Variants in FTO observed in about 807,000 individuals in gnomAD.
The protein encoded by FTO is FTO alpha-ketoglutarate dependent dioxygenase.
FTO carries 47 observed loss-of-function variants against 63.9 expected under a neutral mutation model. The observed-to-expected ratio is 0.74, with a 90% CI of 0.58 to 0.94. The LOEUF (loss-of-function observed/expected upper bound fraction) is 0.94. Among genes scored for constraint, FTO ranks in the 40% least tolerant of loss-of-function variants. The pLI is 0.00. For synonymous variants in FTO, 207 were observed against 224.4 expected, an observed-to-expected ratio of 0.92 and a Z score of 0.69; for missense variants, 562 against 618.1, an observed-to-expected ratio of 0.91 and a Z score of 0.96.
chr16:53,729,451 G>A (rs993173992), intron 1 of FTO, among the ~76,000 whole-genome samples: 1 of 151,662 alleles, frequency 6.6e-6, no homozygotes, highest in African/African-American at 2.4e-5. Flanking sequence ...CCTGGGAGGT[G>A]GAGATCTCGC....
chr16:54,098,528 G>T (rs2086563105), intron 8 of FTO, among the ~76,000 whole-genome samples: 1 of 152,192 alleles, frequency 6.6e-6, no homozygotes, highest in Non-Finnish European at 1.5e-5. Context: ...ACTCAAATGA[G>T]CATTCCAAAG....
rs980319979 is a variant in FTO at position 53,835,591 on chromosome 16, G to A, written c.752-8564G>A. 1.9e-4 allele frequency among the ~76,000 whole-genome samples: 29 copies of A among 151,744 alleles called. 1 individual carries two copies. Among genetic ancestry groups the A allele is most frequent in the East Asian group, 1.2e-3 (6 of 5,164 alleles). ...TGAATTTTTCTTCAGCTTTTATGTC[G>A]CTTTTTTTGTTGGATCTTTTTTTGA... On this transcript the variant is annotated intron_variant, in intron 3 of 8. Transcript: ENST00000471389.
At chr16:53,837,167 A>G (rs16952579) in intron 3 of FTO, among the ~76,000 whole-genome samples, 252 of 152,338 alleles carry the variant, frequency 1.7e-3, no homozygotes, top group African/African-American at 5.7e-3. Context: ...GCTTTAGCTA[A>G]TGGCCCGCAT....
intron 1 of FTO, among the ~76,000 whole-genome samples, chr16:53,805,496 G>A (rs148383359): frequency 1.4e-5 from 2 of 146,972 alleles, no homozygotes; most frequent in African/African-American, 2.5e-5. Flanking sequence ...CACACAGGCT[G>A]GAGTGCAGTG....
intron 8 of FTO, chr16:54,063,959 A>C (rs1020854189): frequency 1.3e-5 from 2 of 149,034 alleles, no homozygotes; most frequent in African/African-American, 5.1e-5. Flanking sequence ...TTTTTAAAAA[A>C]CAAGAAATTA....
rs1396105954 is a variant in FTO, at chr16:53,873,802, C to A, written c.912C>A (p.Thr304=). 1 of 1,612,784 alleles carries A rather than the reference C, an allele frequency of 6.2e-7. No homozygotes were observed. The highest frequency in any genetic ancestry group is 2.2e-5 in the East Asian group (1 of 44,844). ...CYFMLDDLNA[T]HQHCVLAGSQ... ...TTCCTGTAGATGATCTCAATGCCAC[C>A]CACCAACACTGTGTTTTGGCCGGTT... Residue 304 remains threonine, a synonymous_variant, in exon 5 of 9, where the codon ACC becomes ACA. Coordinates refer to ENST00000471389, the MANE Select transcript of FTO (RefSeq NM_001080432.3).
intron 7 of FTO, among the ~76,000 whole-genome samples, chr16:53,925,647 A>T (rs2082121158): frequency 6.6e-6 from 1 of 152,162 alleles, no homozygotes; most frequent in South Asian, 2.1e-4. Flanking sequence ...AACCAAAAGG[A>T]TTAAAGACTT....
chr16:53,863,184 A>C (rs2080223538), intron 4 of FTO, among the ~76,000 whole-genome samples: 1 of 152,168 alleles, frequency 6.6e-6, no homozygotes, highest in African/African-American at 2.4e-5. Context: ...AAAACTGAGA[A>C]TTTTCTAAAA....
At chr16:53,828,432 C>A (rs914108880) in intron 3 of FTO, among the ~76,000 whole-genome samples, 1 of 152,078 alleles carries the variant, frequency 6.6e-6, no homozygotes, top group African/African-American at 2.4e-5. Flanking sequence ...TGGTCTCAAT[C>A]TTCTGATCTC....
At chr16:54,101,981 C>G (rs911641832) in intron 8 of FTO, among the ~76,000 whole-genome samples, 1 of 152,032 alleles carries the variant, frequency 6.6e-6, no homozygotes, top group Admixed American at 6.6e-5. Context: ...AGTGCCTGTT[C>G]GTGTTCTTTG....
At chr16:53,847,244 C>T (rs1343951217) in intron 4 of FTO, among the ~76,000 whole-genome samples, 22 of 152,142 alleles carry the variant, frequency 1.4e-4, no homozygotes, top group Admixed American at 1.4e-3. Flanking sequence ...GGTCTGACAT[C>T]CCATGTCAGG....
chr16:53,748,743 C>A (rs2076708854), intron 1 of FTO, among the ~76,000 whole-genome samples: 2 of 151,658 alleles, frequency 1.3e-5, no homozygotes, highest in African/African-American at 4.8e-5. Flanking sequence ...TGTGCCTGGC[C>A]TGTAGCTATT....
At chr16:54,071,006 A>T (rs1213106730) in intron 8 of FTO, 2 of 152,238 alleles carry the variant, frequency 1.3e-5, no homozygotes, top group Non-Finnish European at 2.9e-5. Context: ...AAAAGCACAG[A>T]TTGTAAGGCA....
chr16:53,901,990 C>G (rs2081416083), intron 7 of FTO, among the ~76,000 whole-genome samples: 1 of 152,116 alleles, frequency 6.6e-6, no homozygotes, highest in Admixed American at 6.5e-5. Flanking sequence ...ACTACTGTTT[C>G]ATTTTACCAA....
intron 7 of FTO, among the ~76,000 whole-genome samples, chr16:53,913,231 C>T (rs974243546): frequency 6.6e-6 from 1 of 152,312 alleles, no homozygotes; most frequent in Middle Eastern, 3.4e-3. Context: ...GTCAGAATGA[C>T]GGTGATTACC....
At chr16:53,867,745 C>T (rs2080367955) in intron 4 of FTO, among the ~76,000 whole-genome samples, 2 of 152,034 alleles carry the variant, frequency 1.3e-5, no homozygotes, top group Admixed American at 1.3e-4. Flanking sequence ...TCAACTATGT[C>T]CTTAATGATT....
At chr16:53,934,154 G>A in intron 8 of FTO, 45 bp downstream of exon 8, 1 of 1,611,472 alleles carries the variant, frequency 6.2e-7, no homozygotes, top group Non-Finnish European at 8.5e-7. Context: ...TGACAAACAA[G>A]AACTATATTT....
chr16:53,860,881 A>AACACACACAC (rs35826323), intron 4 of FTO, among the ~76,000 whole-genome samples: 94 of 145,832 alleles, frequency 6.4e-4, no homozygotes, highest in African/African-American at 2.0e-3. Context: ...AAATGTTTTT[A>AACACACACAC]ACACACACAC....
chr16:53,741,604 A>AG (rs1314418226), intron 1 of FTO, among the ~76,000 whole-genome samples: 2 of 152,162 alleles, frequency 1.3e-5, no homozygotes, highest in African/African-American at 4.8e-5. Context: ...ATCATGACCT[A>AG]GGTAGTGGTC....
Sources: allele counts gnomAD v4.1 joint callset (sites outside exome capture counted in the v4.1 genomes callset), GRCh38; gene constraint gnomAD v4.1.1; transcripts MANE v1.5; gene names NCBI Gene and HGNC (gene_info 2026-07-23, HGNC 2026-07-21).